TAOK3: variants seen among roughly 807,000 people sequenced by gnomAD.
TAOK3 encodes the protein serine/threonine-protein kinase TAO3.
TAOK3 carries 40 observed loss-of-function variants against 120.4 expected under a neutral mutation model. The observed-to-expected ratio is 0.33, with a 90% CI of 0.26 to 0.43. The LOEUF (loss-of-function observed/expected upper bound fraction) is 0.43, where lower values mean the gene tolerates loss of function less well. TAOK3 is among the 20% of genes least tolerant of loss of function. TAOK3 has a pLI of 1.00. For missense variants in TAOK3, 821 were observed against 1,112.1 expected (o/e 0.74, Z 3.72); for synonymous variants, 355 against 387.5 (o/e 0.92, Z 0.99).
At chr12:118,349,134 G>T (rs903515501) in intron 1 of TAOK3, among the ~76,000 whole-genome samples, 1 of 151,332 alleles carries the variant, frequency 6.6e-6, no homozygotes, top group African/African-American at 2.4e-5. Context: ...TCAGGTGACC[G>T]CCCACCTTGG....
At chr12:118,300,340 G>A (rs1261504530) in intron 1 of TAOK3, among the ~76,000 whole-genome samples, 1 of 152,214 alleles carries the variant, frequency 6.6e-6, no homozygotes, top group East Asian at 1.9e-4. Context: ...GCATCGCACT[G>A]AATTTGCATC....
At chr12:118,159,156 C>A (rs2035041611) in intron 19 of TAOK3, among the ~76,000 whole-genome samples, 1 of 152,112 alleles carries the variant, frequency 6.6e-6, no homozygotes, top group African/African-American at 2.4e-5. Flanking sequence ...TCTGTTTGAA[C>A]CTTTGCCTAT....
At chr12:118,251,277 A>C (rs2040739711) in intron 3 of TAOK3, among the ~76,000 whole-genome samples, 1 of 152,236 alleles carries the variant, frequency 6.6e-6, no homozygotes, top group Non-Finnish European at 1.5e-5. Context: ...CGGAGTAAGA[A>C]GCAACTTATA....
At position 118,160,046 on chromosome 12, in the gene TAOK3, T is replaced by C; in HGVS notation, c.2352+100A>G. The stretch of plus-strand genomic sequence containing the variant: ...TTTGGGCAGAAAAACATCAATATCC[T>C]AAATTTGTGCAAGAATCATCTTGGG... On this transcript the variant is annotated intron_variant, in intron 19 of 20. Transcript: ENST00000392533. The surrounding 1 kb of genome is among the most constrained non-coding windows in gnomAD (Gnocchi z 4.2). 1 of 1,057,094 alleles carries C rather than the reference T, an allele frequency of 9.5e-7. No homozygotes were observed. Among genetic ancestry groups the C allele is most frequent in the Non-Finnish European group, 1.4e-6 (1 of 693,408 alleles). 65.5% of individuals were successfully genotyped at this position (1,057,094 alleles called of 1,614,324 possible). A position where few individuals can be genotyped will look rare whatever the true frequency, so the allele number is the denominator to read the frequency against.
At chr12:118,223,237 AT>A (rs1437394298) in intron 9 of TAOK3, among the ~76,000 whole-genome samples, 1 of 146,614 alleles carries the variant, frequency 6.8e-6, no homozygotes, top group Non-Finnish European at 1.5e-5. Context: ...CGCCCGGCTA[AT>A]TTTTTTGTAT....
At chr12:118,196,063 A>AAATAAATG (rs926358097) in intron 13 of TAOK3, among the ~76,000 whole-genome samples, 2 of 149,166 alleles carry the variant, frequency 1.3e-5, no homozygotes, top group Non-Finnish European at 3.0e-5. Context: ...ATAAATAAAT[A>AAATAAATG]AATAAATAAA....
chr12:118,295,064 T>C (rs1164792019), intron 1 of TAOK3, among the ~76,000 whole-genome samples: 4 of 151,952 alleles, frequency 2.6e-5, no homozygotes, highest in South Asian at 4.2e-4. Flanking sequence ...GCATTTTTTT[T>C]TTTCTTTTGG....
intron 17 of TAOK3, among the ~76,000 whole-genome samples, chr12:118,164,451 T>C (rs2035447801): frequency 6.6e-6 from 1 of 152,064 alleles, no homozygotes; most frequent in Non-Finnish European, 1.5e-5. Flanking sequence ...GAGTTTCTAC[T>C]TTGTTGCCCA....
Position 118,216,861 on chromosome 12 carries a change from G to A in TAOK3, c.644-2751C>T, listed in dbSNP as rs368260567. 1.1e-4 allele frequency among the ~76,000 whole-genome samples: 16 copies of A among 151,004 alleles called. No homozygotes were observed. The South Asian group carries it at 1.3e-3, about 12-fold the overall frequency. On this transcript the variant is annotated intron_variant, in intron 9 of 20. Transcript: ENST00000392533. ...GGAGAATGGCGTGAACCCAGGAGGCGGAGCCTGCAGTGAGCCGAGATCGTG... is the reference window on the plus strand; with the variant it reads ...GGAGAATGGCGTGAACCCAGGAGGCAGAGCCTGCAGTGAGCCGAGATCGTG...
chr12:118,327,294 T>C (rs2043974641), intron 1 of TAOK3, among the ~76,000 whole-genome samples: 1 of 152,200 alleles, frequency 6.6e-6, no homozygotes, highest in Non-Finnish European at 1.5e-5. Flanking sequence ...ATGTAGGCAC[T>C]ATTATCCTAC....
At chr12:118,338,405 C>T in intron 1 of TAOK3, among the ~76,000 whole-genome samples, 1 of 152,136 alleles carries the variant, frequency 6.6e-6, no homozygotes, top group Non-Finnish European at 1.5e-5. Context: ...TTAATACCTC[C>T]AAATGAATGA....
chr12:118,262,070 AG>A (rs2041253945), intron 2 of TAOK3, among the ~76,000 whole-genome samples: 1 of 152,128 alleles, frequency 6.6e-6, no homozygotes, highest in Non-Finnish European at 1.5e-5. Context: ...CACATTGGCC[AG>A]GCTGGTCTCA....
intron 1 of TAOK3, among the ~76,000 whole-genome samples, chr12:118,361,834 C>T (rs987736014): frequency 1.3e-5 from 2 of 151,972 alleles, no homozygotes; most frequent in Non-Finnish European, 2.9e-5. Context: ...AGGTTTGTTA[C>T]ATGGGAATAT....
chr12:118,317,221 G>A (rs1481915451), intron 1 of TAOK3, among the ~76,000 whole-genome samples: 1 of 141,296 alleles, frequency 7.1e-6, no homozygotes, highest in Admixed American at 7.3e-5. Flanking sequence ...CGAGATTATT[G>A]TGCCACTACA....
intron 1 of TAOK3, among the ~76,000 whole-genome samples, chr12:118,352,075 T>C (rs375049083): frequency 6.6e-6 from 1 of 151,826 alleles, no homozygotes; most frequent in African/African-American, 2.4e-5. Context: ...GGTTTCACCG[T>C]GTTAGCCAAG....
intron 1 of TAOK3, among the ~76,000 whole-genome samples, chr12:118,314,678 C>T (rs1366187780): frequency 6.6e-6 from 1 of 152,200 alleles, no homozygotes; most frequent in African/African-American, 2.4e-5. Flanking sequence ...GAAATTGAGA[C>T]TCATATGGAT....
At position 118,161,458 on chromosome 12, in the gene TAOK3, A is replaced by C. The variant is rs2035213813; in HGVS notation, c.2139+330T>G. Among the ~76,000 whole-genome samples, 1 of 152,212 alleles carries C rather than the reference A, an allele frequency of 6.6e-6. No individual in the cohort carries two copies. Among genetic ancestry groups the C allele is most frequent in the South Asian group, 2.1e-4 (1 of 4,836 alleles). On this transcript the variant is annotated intron_variant, in intron 18 of 20. Coordinates refer to ENST00000392533, the MANE Select transcript of TAOK3 (RefSeq NM_016281.4). The surrounding 1 kb of genome is among the most constrained non-coding windows in gnomAD (Gnocchi z 4.5). ...GCTCAAAGTACCTAACACCAATAGA[A>C]CTTCCTTATTTCCTGGGATTAAAAC... is the stretch of plus-strand genomic sequence containing the variant.
intron 1 of TAOK3, among the ~76,000 whole-genome samples, chr12:118,323,423 G>C (rs528535700): frequency 6.6e-6 from 1 of 152,016 alleles, no homozygotes; most frequent in East Asian, 1.9e-4. Context: ...AAATAATTTT[G>C]ATTTTTACAC....
chr12:118,181,942 T>C (rs2036753100), intron 14 of TAOK3, among the ~76,000 whole-genome samples: 1 of 152,170 alleles, frequency 6.6e-6, no homozygotes, highest in South Asian at 2.1e-4. Context: ...CCCAGTACTT[T>C]GGGAGGCTGA....
Sources: gnomAD v4.1 joint callset for allele counts (sites outside exome capture counted in the v4.1 genomes callset) on GRCh38, gnomAD v4.1.1 for gene constraint, Gnocchi (gnomAD v3.1) non-coding constraint, MANE v1.5 for transcripts, NCBI Gene and HGNC (gene_info 2026-07-23, HGNC 2026-07-21) for gene names.